The following UHRF2 variants were observed in gnomAD, a reference collection of about 807,000 sequenced individuals.
UHRF2 encodes the protein ubiquitin like with PHD and ring finger domains 2.
A neutral mutation model predicts 96.8 loss-of-function variants in UHRF2; 23 were observed. The observed-to-expected ratio is 0.24, with a 90% confidence interval of 0.17 to 0.34. The LOEUF (loss-of-function observed/expected upper bound fraction) is 0.34. UHRF2 is among the 10% of genes least tolerant of loss of function. The probability of loss-of-function intolerance (pLI) is 1.00; values close to 1 mark genes in which losing one functional copy is unlikely to be tolerated. For missense variants in UHRF2, 685 were observed against 981.5 expected, an observed-to-expected ratio of 0.70 and a Z score of 4.04; for synonymous variants, 385 against 332.6, an observed-to-expected ratio of 1.16 and a Z score of -1.72.
At chr9:6,457,613 T>G (rs972584462) in intron 3 of UHRF2, among the ~76,000 whole-genome samples, 19 of 152,240 alleles carry the variant, frequency 1.2e-4, no homozygotes, top group Non-Finnish European at 2.4e-4. Flanking sequence ...TTCCAGTTTT[T>G]GCCCATTCAG....
chr9:6,413,482 G>C lies in UHRF2; in HGVS notation c.-9G>C, dbSNP rs1282581965. The stretch of plus-strand genomic sequence containing the variant: ...GACAAAGGGGACCGGTTCCTCTCTA[G>C]GCGCCAAGATGTGGATACAGGTTCG... On this transcript the variant is annotated 5_prime_UTR_variant, in exon 1 of 16. Transcript: ENST00000276893. 1.3e-6 allele frequency: 2 copies of C among 1,537,734 alleles called. No homozygotes were observed. Among genetic ancestry groups the C allele is most frequent in the African/African-American group, 1.4e-5 (1 of 70,326 alleles).
chr9:6,451,461 T>G (rs570397841), intron 3 of UHRF2, among the ~76,000 whole-genome samples: 1 of 19,104 alleles, frequency 5.2e-5, no homozygotes, highest in Non-Finnish European at 4.4e-4. Context: ...ACCTAGTTTT[T>G]TTTTGTTTTT....
At chr9:6,487,587 G>A (rs1186475719) in intron 9 of UHRF2, among the ~76,000 whole-genome samples, 4 of 152,156 alleles carry the variant, frequency 2.6e-5, no homozygotes, top group South Asian at 2.1e-4. Flanking sequence ...GGCTGGTCTC[G>A]AACTCCTGAC....
chr9:6,490,101 G>T (rs574173502), intron 9 of UHRF2, among the ~76,000 whole-genome samples: 134 of 152,270 alleles, frequency 8.8e-4, no homozygotes, highest in Non-Finnish European at 1.6e-3. Context: ...TAGAAATGTA[G>T]TCTCTTTAAC....
intron 4 of UHRF2, among the ~76,000 whole-genome samples, chr9:6,463,295 A>G (rs1306971637): frequency 6.9e-6 from 1 of 144,720 alleles, no homozygotes; most frequent in South Asian, 2.2e-4. Flanking sequence ...AAAAAAAAAA[A>G]GACTTGAGTG....
At chr9:6,437,387 C>T (rs573525307) in intron 3 of UHRF2, among the ~76,000 whole-genome samples, 14 of 152,240 alleles carry the variant, frequency 9.2e-5, no homozygotes, top group African/African-American at 3.4e-4. Context: ...TGCCTGCCAC[C>T]ACGCCTGGCT....
rs34676165 is a variant in UHRF2 at position 6,423,634 on chromosome 9, AT to A, written c.384+2508del. Among the ~76,000 whole-genome samples, 1,151 of 143,754 alleles carry A rather than the reference AT, an allele frequency of 8.0e-3. 2 individuals are homozygous for A. Among genetic ancestry groups the A allele is most frequent in the African/African-American group, 0.013 (527 of 39,370 alleles). The allele number at this position is 143,754 out of a possible 152,430, so 94.3% of individuals were successfully genotyped here. On this transcript the variant is annotated intron_variant, in intron 2 of 15. Transcript: ENST00000276893. ...TAAATACAAATTTGAGTCATTAGTG[AT>A]TTTTTTTTTTTTTTTAAAGAAAAGT... is the stretch of plus-strand genomic sequence containing the variant.
At chr9:6,418,483 C>G (rs182196484) in intron 1 of UHRF2, among the ~76,000 whole-genome samples, 163 of 151,458 alleles carry the variant, frequency 1.1e-3, no homozygotes, top group Non-Finnish European at 1.7e-3. Flanking sequence ...TGAGATTGTG[C>G]TTGTTGGGTT....
chr9:6,483,927 G>T (rs561969655), intron 8 of UHRF2, among the ~76,000 whole-genome samples: 17 of 152,134 alleles, frequency 1.1e-4, no homozygotes, highest in Non-Finnish European at 1.5e-5. Flanking sequence ...AACCTCGGGT[G>T]ATCTGCCTGT....
rs144608943 is a variant in UHRF2, at chr9:6,482,797, C to T, written c.1392+698C>T. Reference sequence around the variant, plus strand: ...ATTTGTAGTAGAGACGAGGTTTCACCGTGTTAGCCAGGATGGTCTCGATCT... The same window carrying T: ...ATTTGTAGTAGAGACGAGGTTTCACTGTGTTAGCCAGGATGGTCTCGATCT... On this transcript the variant is annotated intron_variant, in intron 8 of 15. Transcript: ENST00000276893. Among the ~76,000 whole-genome samples, 154 of 152,158 alleles carry T rather than the reference C, an allele frequency of 1.0e-3. 2 individuals carry two copies. In the East Asian group the frequency reaches 0.027, roughly 26 times the overall value.
chr9:6,466,290 C>T (rs978479597), intron 4 of UHRF2, among the ~76,000 whole-genome samples: 7 of 152,066 alleles, frequency 4.6e-5, no homozygotes, highest in African/African-American at 1.7e-4. Context: ...GTAATCCCAG[C>T]ACTTTGGGAG....
intron 3 of UHRF2, among the ~76,000 whole-genome samples, chr9:6,441,972 T>G (rs980280565): frequency 6.6e-6 from 1 of 152,196 alleles, no homozygotes; most frequent in African/African-American, 2.4e-5. Flanking sequence ...AATAGTTGAC[T>G]GTTCCGAGAT....
At chr9:6,434,688 CT>C (rs1175973473) in intron 3 of UHRF2, among the ~76,000 whole-genome samples, 3 of 152,158 alleles carry the variant, frequency 2.0e-5, no homozygotes, top group Admixed American at 2.0e-4. Flanking sequence ...ATCTGCCCCC[CT>C]TGGCCTCCCA....
chr9:6,494,226 G>C (rs1824837392), intron 10 of UHRF2: 1 of 291,630 alleles, frequency 3.4e-6, no homozygotes, highest in Non-Finnish European at 6.3e-6. Context: ...TTGAGAATAA[G>C]GTGGCTTGTC....
rs770130505 is a variant in UHRF2, at chr9:6,486,799, ACT to A, written c.1393-17_1393-16del. The A allele has an allele frequency of 6.2e-6, 10 of 1,609,856 alleles. No individual in the cohort carries two copies. The highest frequency in any genetic ancestry group is 2.2e-5 in the East Asian group (1 of 44,828). ...CTTAACTGTTCAGAGGTATTTTGAG[ACT>A]CTCTTTAATTGTTTTATAGGTGAGC... On this transcript the variant is annotated intron_variant, in intron 8 of 15. Transcript: ENST00000276893.
intron 1 of UHRF2, among the ~76,000 whole-genome samples, chr9:6,419,807 C>T (rs1399917226): frequency 6.6e-6 from 1 of 152,196 alleles, no homozygotes; most frequent in East Asian, 1.9e-4. Flanking sequence ...ATAGCATGAT[C>T]ATGGCTTACT....
At chr9:6,483,324 CAAAAAAAA>C (rs34497002) in intron 8 of UHRF2, among the ~76,000 whole-genome samples, 1 of 59,532 alleles carries the variant, frequency 1.7e-5, no homozygotes. Context: ...GACTCTGTCT[CAAAAAAAA>C]AAAAAAAAAA....
At chr9:6,436,603 A>G (rs563722094) in intron 3 of UHRF2, among the ~76,000 whole-genome samples, 16 of 152,358 alleles carry the variant, frequency 1.1e-4, no homozygotes, top group African/African-American at 2.6e-4. Context: ...CAACATAGAC[A>G]TAGAATAAGG....
chr9:6,418,653 A>G (rs1819750725), intron 1 of UHRF2, among the ~76,000 whole-genome samples: 1 of 152,222 alleles, frequency 6.6e-6, no homozygotes, highest in South Asian at 2.1e-4. Context: ...AAAATGAGCA[A>G]TTTAAAAATT....
Sources: gnomAD v4.1 joint callset for allele counts (sites outside exome capture counted in the v4.1 genomes callset) on GRCh38, gnomAD v4.1.1 for gene constraint, MANE v1.5 for transcripts, NCBI Gene and HGNC (gene_info 2026-07-23, HGNC 2026-07-21) for gene names.